Variants in PDE1C observed in about 807,000 individuals in gnomAD.
PDE1C encodes the protein dual specificity calcium/calmodulin-dependent 3',5'-cyclic nucleotide phosphodiesterase 1C.
Under a neutral mutation model 93.1 loss-of-function variants are expected in PDE1C, and 62 were observed. The observed-to-expected ratio is 0.67, with a 90% CI of 0.54 to 0.82. The LOEUF is 0.82. Among genes scored for constraint, PDE1C ranks in the 40% least tolerant of loss-of-function variants. The pLI, the probability that PDE1C is intolerant of heterozygous loss-of-function variation, is 0.00. For synonymous variants in PDE1C, 325 were observed against 310.1 expected (o/e 1.05, Z -0.50); for missense variants, 742 against 884.6 (o/e 0.84, Z 2.04).
chr7:32,147,370 G>A (rs1800961071), intron 3 of PDE1C, among the ~76,000 whole-genome samples: 1 of 151,896 alleles, frequency 6.6e-6, no homozygotes, highest in East Asian at 1.9e-4. Context: ...TGCATAAAAT[G>A]TTTGTCTTTG....
At chr7:31,691,690 G>C in the PDE1C span, among the ~76,000 whole-genome samples, 1 of 147,676 alleles carries the variant, frequency 6.8e-6, no homozygotes, top group South Asian at 2.2e-4. Flanking sequence ...AGAAAATAAA[G>C]ATCTATCCAA....
chr7:31,877,891 G>T, intron 5 of PDE1C, 79 bp downstream of exon 5: 3 of 845,084 alleles, frequency 3.5e-6, no homozygotes, highest in South Asian at 1.6e-5. Context: ...GTAAATGAAA[G>T]CCTCTTATTT....
chr7:31,790,016 A>C, intron 16 of PDE1C: 1 of 1,316,258 alleles, frequency 7.6e-7, no homozygotes, highest in Non-Finnish European at 9.7e-7. Context: ...GCTCAGGGGA[A>C]TATCCCCCAG....
At chr7:31,930,537 A>G (rs1293611085) in intron 2 of PDE1C, among the ~76,000 whole-genome samples, 2 of 152,272 alleles carry the variant, frequency 1.3e-5, no homozygotes. Context: ...TGAAACCAGC[A>G]GCATATCAAA....
At chr7:32,165,364 G>T (rs190016433) in intron 3 of PDE1C, among the ~76,000 whole-genome samples, 3 of 152,244 alleles carry the variant, frequency 2.0e-5, no homozygotes, top group African/African-American at 7.2e-5. Flanking sequence ...CCATTTCAAA[G>T]ATTTTAAAAC....
the PDE1C span, among the ~76,000 whole-genome samples, chr7:31,620,331 C>A: frequency 2.0e-5 from 3 of 151,988 alleles, no homozygotes; most frequent in Non-Finnish European, 4.4e-5. Flanking sequence ...ACCCCTGACC[C>A]CTGAGCAGCC....
At chr7:31,845,418 G>C (rs987038363) in intron 9 of PDE1C, among the ~76,000 whole-genome samples, 1 of 152,006 alleles carries the variant, frequency 6.6e-6, no homozygotes, top group Non-Finnish European at 1.5e-5. Flanking sequence ...TGTTTTAGCA[G>C]GCAATTAACT....
the PDE1C span, chr7:31,687,404 G>A: frequency 1.3e-5 from 2 of 152,274 alleles, no homozygotes; most frequent in African/African-American, 4.8e-5. Context: ...TGGTGGCACG[G>A]GGTTGTGCTT....
intron 16 of PDE1C, among the ~76,000 whole-genome samples, chr7:31,782,782 C>T (rs1783529575): frequency 6.6e-6 from 1 of 152,192 alleles, no homozygotes; most frequent in Non-Finnish European, 1.5e-5. Flanking sequence ...TCAGAAGAAA[C>T]CGTATATAAC....
chr7:32,157,092 C>G (rs1411563554), intron 3 of PDE1C, among the ~76,000 whole-genome samples: 1 of 152,170 alleles, frequency 6.6e-6, no homozygotes, highest in East Asian at 1.9e-4. Context: ...GAGGAACATT[C>G]TGCACAACAA....
intron 16 of PDE1C, among the ~76,000 whole-genome samples, chr7:31,802,549 C>T (rs1012768395): frequency 1.3e-5 from 2 of 151,566 alleles, no homozygotes; most frequent in Non-Finnish European, 1.5e-5. Context: ...TATTTTCATA[C>T]GGCATAATTA....
rs973300770 is a variant in PDE1C, at chr7:32,048,567, C to T, written c.128+2987G>A. Among the ~76,000 whole-genome samples, 3 of 152,074 alleles carry T rather than the reference C, an allele frequency of 2.0e-5. 1 individual carries two copies. In the South Asian group the frequency reaches 6.2e-4, roughly 32 times the overall value. On this transcript the variant is annotated intron_variant, in intron 2 of 17. Coordinates refer to ENST00000396191, the MANE Select transcript of PDE1C (RefSeq NM_001191057.4). Reference sequence around the variant, plus strand: ...AAACAAAAAGCACCAAGACTCCTAACGTGAGCAAAGATACTATCTTGGAAG... The same window carrying T: ...AAACAAAAAGCACCAAGACTCCTAATGTGAGCAAAGATACTATCTTGGAAG...
chr7:31,936,815 T>C (rs1373656066), intron 2 of PDE1C, among the ~76,000 whole-genome samples: 2 of 152,062 alleles, frequency 1.3e-5, no homozygotes, highest in Non-Finnish European at 2.9e-5. Flanking sequence ...AGTTTAGAGG[T>C]TTATTTTGCC....
chr7:31,983,035 GA>G (rs529447297), intron 2 of PDE1C, among the ~76,000 whole-genome samples: 92 of 152,274 alleles, frequency 6.0e-4, no homozygotes, highest in African/African-American at 2.2e-3. Flanking sequence ...AATCGTTAGG[GA>G]AATTTCCTTT....
intron 16 of PDE1C, among the ~76,000 whole-genome samples, chr7:31,791,736 A>G (rs1451645490): frequency 6.6e-6 from 1 of 152,082 alleles, no homozygotes; most frequent in Admixed American, 6.6e-5. Context: ...AAAGACCACT[A>G]TTTAACTCAG....
At chr7:32,223,081 C>T (rs936178747) in intron 1 of PDE1C, among the ~76,000 whole-genome samples, 1 of 152,220 alleles carries the variant, frequency 6.6e-6, no homozygotes, top group Non-Finnish European at 1.5e-5. Context: ...CCTCAGACTG[C>T]GGCACCTCCC....
intron 1 of PDE1C, among the ~76,000 whole-genome samples, chr7:32,220,495 C>T (rs1806766693): frequency 6.6e-6 from 1 of 152,176 alleles, no homozygotes; most frequent in Non-Finnish European, 1.5e-5. Context: ...TTCTCTACAG[C>T]TCACACCATC....
chr7:31,732,567 AC>A, the PDE1C span, among the ~76,000 whole-genome samples: 27 of 151,686 alleles, frequency 1.8e-4, no homozygotes, highest in Non-Finnish European at 3.4e-4. Flanking sequence ...TGGATTTCAG[AC>A]TAGCCAGATT....
chr7:32,002,066 C>T (rs1023059246), intron 2 of PDE1C, among the ~76,000 whole-genome samples: 1 of 151,938 alleles, frequency 6.6e-6, no homozygotes, highest in Admixed American at 6.6e-5. Flanking sequence ...CTCAAAACAA[C>T]AAAAAACCGC....
Sources: gnomAD v4.1 joint callset for allele counts (sites outside exome capture counted in the v4.1 genomes callset) on GRCh38, gnomAD v4.1.1 for gene constraint, MANE v1.5 for transcripts, NCBI Gene and HGNC (gene_info 2026-07-23, HGNC 2026-07-21) for gene names.